The following LRAT variants were observed in gnomAD, a reference collection of about 807,000 sequenced individuals.
LRAT encodes lecithin retinol acyltransferase (phosphatidylcholine--retinol O-acyltransferase).
LRAT carries 11 observed loss-of-function variants against 14.2 expected under a neutral mutation model. The observed-to-expected ratio is 0.78, with a 90% CI of 0.49 to 1.29. The LOEUF is 1.29. LRAT is among the 50% of genes most tolerant of loss of function. The pLI is 0.00. For missense variants in LRAT, 274 were observed against 292.4 expected (o/e 0.94, Z 0.46); for synonymous variants, 144 against 124.8 (o/e 1.15, Z -1.03).
rs138750814 is a variant in LRAT at position 154,744,928 on chromosome 4, C to T, written c.540+62C>T. ...GGAGATGCCCCCTCCCATCCCTGAC[C>T]TTTTCTCTTCCCCGCGAGTAGGGAT... On this transcript the variant is annotated intron_variant, in intron 2 of 2. Coordinates refer to ENST00000336356, the MANE Select transcript of LRAT (RefSeq NM_004744.5). 1.2e-4 allele frequency: 179 copies of T among 1,541,530 alleles called. No homozygotes were observed. The African/African-American group carries it at 2.3e-3, about 20-fold the overall frequency.
Position 154,752,978 on chromosome 4 carries a change from G to A in LRAT, c.*3842G>A, listed in dbSNP as rs1395425358. 1 of 152,076 alleles carries A rather than the reference G, an allele frequency of 6.6e-6. No individual in the cohort carries two copies. Among genetic ancestry groups the A allele is most frequent in the Admixed American group, 6.5e-5 (1 of 15,284 alleles). 9.4% of individuals were successfully genotyped at this position (152,076 alleles called of 1,614,324 possible). Reference sequence around the variant, plus strand: ...TATGGCAATGGCAAAAGTCCTTGTTGTAGATGAGAAGCATATAAGAAATGG... The same window carrying A: ...TATGGCAATGGCAAAAGTCCTTGTTATAGATGAGAAGCATATAAGAAATGG... On this transcript the variant is annotated 3_prime_UTR_variant, in exon 3 of 3. Coordinates refer to ENST00000336356, the MANE Select transcript of LRAT (RefSeq NM_004744.5).
upstream of LRAT, among the ~76,000 whole-genome samples, chr4:154,741,564 T>A (rs147763290): frequency 6.6e-6 from 1 of 152,316 alleles, no homozygotes; most frequent in African/African-American, 2.4e-5. Flanking sequence ...TATCTGCATC[T>A]TGAGCCACCT....
chr4:154,744,696 G>GTCAA lies in LRAT; in HGVS notation c.374_377dup (p.His126GlnfsTer22). The GTCAA allele has an allele frequency of 6.2e-7, 1 of 1,614,184 alleles. No homozygotes were observed. The highest frequency in any genetic ancestry group is 8.5e-7 in the Non-Finnish European group (1 of 1,180,030). On this transcript the variant is annotated frameshift_variant, in exon 2 of 3. Coordinates refer to ENST00000336356, the MANE Select transcript of LRAT (RefSeq NM_004744.5). LOFTEE classifies it high-confidence loss of function. The stretch of plus-strand genomic sequence containing the variant: ...CTTCGCCTACGGAGCTAACATCCTG[G>GTCAA]TCAATCACCTGGACGAGTCCCTCCA...
chr4:154,748,888 C>T (rs1220928448), intron 2 of LRAT, 96 bp from the exon 3 acceptor site: 7 of 1,207,546 alleles, frequency 5.8e-6, no homozygotes, highest in Non-Finnish European at 8.5e-6. Context: ...TTCTGGTAGA[C>T]AGAAAATAGC....
At position 154,744,537 on chromosome 4, in the gene LRAT, G is replaced by A; in HGVS notation, c.211G>A (p.Ala71Thr). The change falls in exon 2 of 3, where the codon GCC becomes ACC. Residue 71 changes from alanine (A) to threonine (T), a missense_variant. Physicochemically the swap from Ala to Thr is moderately conservative, Grantham distance 58 (BLOSUM62 0). Transcript: ENST00000336356. The part of the protein sequence containing the change: ...YGIYLGDNRV[A>T]HMMPDILLAL... The stretch of plus-strand genomic sequence containing the variant: ...CATCTACCTAGGAGACAACCGTGTT[G>A]CCCACATGATGCCCGACATCCTGTT... 6.2e-7 allele frequency: 1 copy of A among 1,614,090 alleles called. No homozygotes were observed. The highest frequency in any genetic ancestry group is 8.5e-7 in the Non-Finnish European group (1 of 1,180,026).
rs764675049 is a variant in LRAT at position 154,752,868 on chromosome 4, G to A, written c.*3732G>A. ...GACTTGTTGTTTGAATTTTTTTTCAGTATATATATGTTTCTTGTTTTTCTA... is the reference window on the plus strand; with the variant it reads ...GACTTGTTGTTTGAATTTTTTTTCAATATATATATGTTTCTTGTTTTTCTA... On this transcript the variant is annotated 3_prime_UTR_variant, in exon 3 of 3. Coordinates refer to ENST00000336356, the MANE Select transcript of LRAT (RefSeq NM_004744.5). 1 of 152,002 alleles carries A rather than the reference G, an allele frequency of 6.6e-6. No individual in the cohort carries two copies. The highest frequency in any genetic ancestry group is 2.4e-5 in the African/African-American group (1 of 41,380). 9.4% of individuals were successfully genotyped at this position (152,002 alleles called of 1,614,324 possible).
Position 154,744,013 on chromosome 4 carries a change from G to T in LRAT, c.-211G>T, listed in dbSNP as rs1368196721. On this transcript the variant is annotated 5_prime_UTR_variant, in exon 1 of 3. Coordinates refer to ENST00000336356, the MANE Select transcript of LRAT (RefSeq NM_004744.5). ...GCCTGCACCTCCGAGCACCGCGCGC[G>T]GCCCTGCCCCCGGCACGGCCCCCAG... 7.7e-6 allele frequency: 3 copies of T among 391,588 alleles called. No individual in the cohort carries two copies. The highest frequency in any genetic ancestry group is 1.4e-5 in the Non-Finnish European group (3 of 210,932). 24.3% of individuals were successfully genotyped at this position (391,588 alleles called of 1,614,324 possible).
upstream of LRAT, chr4:154,743,854 T>A (rs1019210467): frequency 3.1e-5 from 1 of 31,988 alleles, no homozygotes; most frequent in Non-Finnish European, 6.5e-5. Flanking sequence ...CCCGCCCCCC[T>A]CCCAAAGAAA....
chr4:154,742,795 A>G (rs1732792937), upstream of LRAT, among the ~76,000 whole-genome samples: 1 of 152,162 alleles, frequency 6.6e-6, no homozygotes, highest in Admixed American at 6.5e-5. Flanking sequence ...CGGGCAAAGA[A>G]CTTAGCATCT....
In LRAT at chr4:154,752,372, G is replaced by A. The variant is rs1733015113; in HGVS notation, c.*3236G>A. The A allele has an allele frequency of 6.6e-6, 1 of 152,296 alleles. No individual in the cohort carries two copies. The highest frequency in any genetic ancestry group is 2.1e-4 in the South Asian group (1 of 4,824). 9.4% of individuals were successfully genotyped at this position (152,296 alleles called of 1,614,324 possible). ...AACATGGAACTGCACAGGGCATTCA[G>A]GCAAGTGCAAGTGGTTCAGGGGCCA... On this transcript the variant is annotated 3_prime_UTR_variant, in exon 3 of 3. Transcript: ENST00000336356.
At position 154,752,003 on chromosome 4, in the gene LRAT, G is replaced by A. The variant is rs764376947; in HGVS notation, c.*2867G>A. ...CTAATTGGGGCTAAGATGAATTAAT[G>A]TAAGTGTCAGATACTAGGCAGGTGT... On this transcript the variant is annotated 3_prime_UTR_variant, in exon 3 of 3. Transcript: ENST00000336356. 15 of 152,144 alleles carry A rather than the reference G, an allele frequency of 9.9e-5. No homozygotes were observed. Among genetic ancestry groups the A allele is most frequent in the Non-Finnish European group, 1.8e-4 (12 of 68,036 alleles). 9.4% of individuals were successfully genotyped at this position (152,144 alleles called of 1,614,324 possible).
upstream of LRAT, among the ~76,000 whole-genome samples, chr4:154,743,696 C>T (rs1441484560): frequency 6.6e-6 from 1 of 152,056 alleles, no homozygotes; most frequent in African/African-American, 2.4e-5. Context: ...GCCAGGAACT[C>T]GCCCCAGTCC....
In LRAT at chr4:154,744,340, T is replaced by C. The variant is rs779763296; in HGVS notation, c.14T>C (p.Met5Thr). MKNPMLEVVSLLLEK... is the reference protein window; with the variant it reads MKNPTLEVVSLLLEK... ...CTTCCCTGCAGGATGAAGAACCCCA[T>C]GCTGGAGGTGGTGTCTTTACTACTG... The change falls in exon 2 of 3, where the codon ATG (methionine) becomes ACG (threonine). Residue 5 changes from methionine (M) to threonine (T), a missense_variant. Transcript: ENST00000336356. 6.2e-7 allele frequency: 1 copy of C among 1,614,136 alleles called. No individual in the cohort carries two copies. The highest frequency in any genetic ancestry group is 2.2e-5 in the East Asian group (1 of 44,838).
intron 2 of LRAT, 117 bp from the exon 3 acceptor site, chr4:154,748,867 A>T (rs1732931722): frequency 2.1e-6 from 2 of 963,742 alleles, no homozygotes; most frequent in South Asian, 2.8e-5. Context: ...TCATAAGAAA[A>T]AGTCTAGTTC....
chr4:154,744,019 G>T lies in LRAT; in HGVS notation c.-205G>T. On this transcript the variant is annotated 5_prime_UTR_variant, in exon 1 of 3. Coordinates refer to ENST00000336356, the MANE Select transcript of LRAT (RefSeq NM_004744.5). Reference sequence around the variant, plus strand: ...ACCTCCGAGCACCGCGCGCGGCCCTGCCCCCGGCACGGCCCCCAGGTGCGC... The same window carrying T: ...ACCTCCGAGCACCGCGCGCGGCCCTTCCCCCGGCACGGCCCCCAGGTGCGC... 1 of 430,264 alleles carries T rather than the reference G, an allele frequency of 2.3e-6. No individual in the cohort carries two copies. Among genetic ancestry groups the T allele is most frequent in the Non-Finnish European group, 4.3e-6 (1 of 232,618 alleles). 26.7% of individuals were successfully genotyped at this position (430,264 alleles called of 1,614,324 possible).
At chr4:154,743,205 G>A (rs370850863), upstream of LRAT, among the ~76,000 whole-genome samples, 22 of 149,922 alleles carry the variant, frequency 1.5e-4, no homozygotes, top group Non-Finnish European at 2.8e-4. Context: ...AAAAAGAGGG[G>A]CTGGGCGCGG....
chr4:154,745,013 T>C (rs1191578155), intron 2 of LRAT, 147 bp downstream of exon 2: 4 of 442,842 alleles, frequency 9.0e-6, no homozygotes, highest in South Asian at 7.3e-5. Context: ...TTCCTTTTTT[T>C]TTTTTTTTTT....
chr4:154,741,945 T>C (rs1268688122), upstream of LRAT, among the ~76,000 whole-genome samples: 1 of 152,140 alleles, frequency 6.6e-6, no homozygotes, highest in African/African-American at 2.4e-5. Context: ...CGGAAACCGT[T>C]AATTATCACG....
chr4:154,747,493 T>C (rs1732904534), intron 2 of LRAT, among the ~76,000 whole-genome samples: 1 of 152,128 alleles, frequency 6.6e-6, no homozygotes. Flanking sequence ...ATTGACCCCT[T>C]CTAGAAATTT....
Sources: allele counts gnomAD v4.1 joint callset (sites outside exome capture counted in the v4.1 genomes callset), GRCh38; gene constraint gnomAD v4.1.1; transcripts MANE v1.5; gene names NCBI Gene and HGNC (gene_info 2026-07-23, HGNC 2026-07-21).